Variants in BDP1 observed in about 807,000 individuals in gnomAD.
The protein encoded by BDP1 is BDP1 general transcription factor IIIB subunit.
Under a neutral mutation model 266.6 loss-of-function variants are expected in BDP1, and 169 were observed. The ratio of observed to expected loss-of-function variants is 0.63; its 90% CI spans 0.56 to 0.72. BDP1 has a LOEUF of 0.72. Among genes scored for constraint, BDP1 ranks in the 30% least tolerant of loss-of-function variants. The probability of loss-of-function intolerance (pLI) is 0.00; values close to 1 mark genes in which losing one functional copy is unlikely to be tolerated. For missense variants in BDP1, 3,015 were observed against 3,053.8 expected (o/e 0.99, Z 0.30); for synonymous variants, 1,090 against 1,022.4 (o/e 1.07, Z -1.26).
At chr5:71,520,763 A>G (rs1765452053) in intron 22 of BDP1, among the ~76,000 whole-genome samples, 1 of 152,248 alleles carries the variant, frequency 6.6e-6, no homozygotes, top group African/African-American at 2.4e-5. Context: ...ATTGAGAAAC[A>G]GATTATAAAT....
chr5:71,513,359 T>C lies in BDP1; in HGVS notation c.4422T>C (p.Ile1474=), dbSNP rs751605529. ...KKSETKKMET[I]VMQENNEQTD... The stretch of plus-strand genomic sequence containing the variant: ...CAGAAACCAAGAAAATGGAGACTAT[T>C]GTGATGCAAGAAAATAATGAACAAA... The change falls in exon 19 of 39, where the codon ATT becomes ATC. Residue 1474 remains isoleucine (I), a synonymous_variant. Transcript: ENST00000358731. 32 of 1,598,684 alleles carry C rather than the reference T, an allele frequency of 2.0e-5. No homozygotes were observed. In the East Asian group the frequency reaches 5.8e-4, roughly 29 times the overall value.
chr5:71,560,129 T>A lies in BDP1; in HGVS notation c.7388T>A (p.Leu2463Ter). The change falls in exon 37 of 39, where the codon TTA (leucine) becomes TAA (stop). Residue 2463 changes from leucine (L) to a stop codon, truncating the protein, a stop_gained. Transcript: ENST00000358731. LOFTEE classifies it high-confidence loss of function. ...TGCATGGACAAGAATGTGCCTCAGT[T>A]ACCTCAGGATGAAATGATTGTGTCT... Reference protein sequence around the residue: ...DACMDKNVPQLPQDEMIVSDK... With the variant: ...DACMDKNVPQ The A allele has an allele frequency of 6.2e-7, 1 of 1,614,178 alleles. No individual in the cohort carries two copies. Among genetic ancestry groups the A allele is most frequent in the Non-Finnish European group, 8.5e-7 (1 of 1,180,012 alleles).
At chr5:71,495,815 T>G (rs768211752) in intron 12 of BDP1, among the ~76,000 whole-genome samples, 1 of 152,200 alleles carries the variant, frequency 6.6e-6, no homozygotes, top group Non-Finnish European at 1.5e-5. Context: ...ATGCAGATAC[T>G]GGTTAAATTA....
At chr5:71,478,601 T>G (rs1762740308) in intron 7 of BDP1, among the ~76,000 whole-genome samples, 1 of 152,186 alleles carries the variant, frequency 6.6e-6, no homozygotes, top group Non-Finnish European at 1.5e-5. Context: ...AAGTCGACAG[T>G]AATCATATCG....
intron 25 of BDP1, among the ~76,000 whole-genome samples, chr5:71,527,674 A>C (rs572545201): frequency 1.2e-4 from 19 of 152,180 alleles, no homozygotes; most frequent in Non-Finnish European, 2.5e-4. Context: ...ATCAATGGAC[A>C]CTTGGGTTGC....
chr5:71,490,221 C>T (rs1763506035), intron 10 of BDP1, among the ~76,000 whole-genome samples: 1 of 152,088 alleles, frequency 6.6e-6, no homozygotes, highest in South Asian at 2.1e-4. Flanking sequence ...TTATTTAAAG[C>T]TGATAACCAA....
At chr5:71,577,942 A>G in the BDP1 span, among the ~76,000 whole-genome samples, 28 of 152,294 alleles carry the variant, frequency 1.8e-4, no homozygotes, top group African/African-American at 6.7e-4. Flanking sequence ...AAAAAGGCCA[A>G]AGGGATGGTG....
At chr5:71,564,357 T>TTTAA (rs56976326) in intron 38 of BDP1, among the ~76,000 whole-genome samples, 67,257 of 151,546 alleles carry the variant, frequency 0.44, 15,276 homozygotes, top group South Asian at 0.55. Flanking sequence ...GTATTTTTAC[T>TTTAA]TTATTTAGTG....
chr5:71,486,510 T>A lies in BDP1; in HGVS notation c.1096T>A (p.Phe366Ile). The change falls in exon 9 of 39, where the codon TTT becomes ATT. Residue 366 changes from phenylalanine (F) to isoleucine (I), a missense_variant. This residue lies in a region of BDP1 where 2,383 missense variants were observed against 2,404.9 expected (regional missense o/e 0.99). Coordinates refer to ENST00000358731, the MANE Select transcript of BDP1 (RefSeq NM_018429.3). ...FQEKRPFDFD[F>I]FAHLLQKVLA... ...GGAAAAGCGCCCTTTTGACTTCGAT[T>A]TTTTTGCTCATTTGCTTCAGAAAGT... is the stretch of plus-strand genomic sequence containing the variant. 1 of 1,538,284 alleles carries A rather than the reference T, an allele frequency of 6.5e-7. No homozygotes were observed.
chr5:71,553,124 T>C lies in BDP1; in HGVS notation c.7004T>C (p.Leu2335Ser). 1 of 1,611,092 alleles carries C rather than the reference T, an allele frequency of 6.2e-7. No individual in the cohort carries two copies. The highest frequency in any genetic ancestry group is 2.2e-5 in the East Asian group (1 of 44,820). ...TEERGDMSICLPATSVGQDAM... is the reference protein window; with the variant it reads ...TEERGDMSICSPATSVGQDAM... ...ATTTCTTTTCTATGCAGTATTTGTT[T>C]ACCAGCAACTTCAGTTGGTCAAGAT... Residue 2335 changes from leucine to serine, a missense_variant, in exon 35 of 39, where the codon TTA (leucine) becomes TCA (serine). This residue lies in a region of BDP1 where 629 missense variants were observed against 632.5 expected (regional missense o/e 0.99). Coordinates refer to ENST00000358731, the MANE Select transcript of BDP1 (RefSeq NM_018429.3).
chr5:71,486,248 T>C (rs537043556), intron 8 of BDP1, among the ~76,000 whole-genome samples: 1 of 152,328 alleles, frequency 6.6e-6, no homozygotes, highest in African/African-American at 2.4e-5. Flanking sequence ...TAAATTATTA[T>C]TTGTAATAAA....
intron 4 of BDP1, 59 bp downstream of exon 4, chr5:71,464,176 A>G (rs1249848565): frequency 9.6e-7 from 1 of 1,045,690 alleles, no homozygotes; most frequent in East Asian, 2.5e-5. Context: ...ATGAGATCAA[A>G]TGGTGCTTCC....
rs541152066 is a variant in BDP1, at chr5:71,530,101, C to A, written c.5773-2207C>A. Among the ~76,000 whole-genome samples the A allele has an allele frequency of 2.6e-5, 4 of 152,258 alleles. No homozygotes were observed. In the South Asian group the frequency reaches 8.3e-4, roughly 32 times the overall value. ...CTTTTTTAAAATAAACTGTATGATG[C>A]TTAAAAAACCAACTTTTACTTTATA... On this transcript the variant is annotated intron_variant, in intron 25 of 38. Coordinates refer to ENST00000358731, the MANE Select transcript of BDP1 (RefSeq NM_018429.3).
intron 7 of BDP1, among the ~76,000 whole-genome samples, chr5:71,471,013 A>G (rs191108427): frequency 4.6e-5 from 7 of 151,524 alleles, no homozygotes; most frequent in African/African-American, 1.5e-4. Context: ...ATTTTCTTAT[A>G]TCTTCTTCAT....
Position 71,467,387 on chromosome 5 carries a change from T to A in BDP1, c.819T>A (p.Pro273=). The change falls in exon 6 of 39, where the codon CCT becomes CCA. Residue 273 remains proline, a synonymous_variant. Transcript: ENST00000358731. ...TAGAAGTTTTAAGAACAAAAGGCCC[T>A]TGTGTTGTTGAAGAAAATGACCCCA... ...LTVEVLRTKG[P]CVVEENDPIF... 6.2e-7 allele frequency: 1 copy of A among 1,610,242 alleles called. No homozygotes were observed. The highest frequency in any genetic ancestry group is 8.5e-7 in the Non-Finnish European group (1 of 1,176,762).
chr5:71,491,177 T>C, intron 11 of BDP1, 46 bp downstream of exon 11: 1 of 1,567,612 alleles, frequency 6.4e-7, no homozygotes, highest in African/African-American at 1.4e-5. Flanking sequence ...TGTTGATTAC[T>C]GAGAAAGGAG....
intron 7 of BDP1, among the ~76,000 whole-genome samples, chr5:71,477,536 T>C (rs1164609470): frequency 6.6e-6 from 1 of 152,156 alleles, no homozygotes; most frequent in Non-Finnish European, 1.5e-5. Flanking sequence ...TGTTTACAAC[T>C]AAATGATCAC....
At chr5:71,539,524 C>T (rs1766831084) in intron 27 of BDP1, 33 bp from the exon 28 acceptor site, 2 of 1,518,946 alleles carry the variant, frequency 1.3e-6, no homozygotes, top group East Asian at 4.5e-5. Context: ...CGGATTCATT[C>T]TTTTTTTTAA....
At chr5:71,562,668 C>T in intron 38 of BDP1, 148 bp downstream of exon 38, 1 of 1,482,974 alleles carries the variant, frequency 6.7e-7, no homozygotes, top group Non-Finnish European at 9.1e-7. Context: ...CGTGTTCCTC[C>T]ATAATGGAAG....
Sources: gnomAD v4.1 joint callset for allele counts (sites outside exome capture counted in the v4.1 genomes callset) on GRCh38, gnomAD v4.1.1 for gene constraint, gnomAD v4.1.1 regional missense constraint, MANE v1.5 for transcripts, NCBI Gene and HGNC (gene_info 2026-07-23, HGNC 2026-07-21) for gene names.